Variants in WDR31 observed in about 807,000 individuals in gnomAD.
WDR31 encodes the protein WD repeat-containing protein 31.
Under a neutral mutation model 47.3 loss-of-function variants are expected in WDR31, and 30 were observed. The ratio of observed to expected loss-of-function variants is 0.63; its 90% CI spans 0.47 to 0.86. The LOEUF (loss-of-function observed/expected upper bound fraction) is 0.86. Among genes scored for constraint, WDR31 ranks in the 40% least tolerant of loss-of-function variants. The pLI, the probability that WDR31 is intolerant of heterozygous loss-of-function variation, is 0.00. For synonymous variants in WDR31, 137 were observed against 159.4 expected, an observed-to-expected ratio of 0.86 and a Z score of 1.06; for missense variants, 406 against 442.9, an observed-to-expected ratio of 0.92 and a Z score of 0.75.
intron 7 of WDR31, 135 bp downstream of exon 7, chr9:113,322,676 C>T: frequency 1.2e-5 from 9 of 740,076 alleles, no homozygotes; most frequent in Non-Finnish European, 1.8e-5. Context: ...CAGGGTCTCA[C>T]AGCAGGTTAG....
intron 10 of WDR31, 133 bp from the exon 11 acceptor site, chr9:113,317,042 T>G: frequency 9.1e-7 from 1 of 1,100,222 alleles, no homozygotes. Flanking sequence ...ACCCCACTTC[T>G]TCAGAGGAAA....
At chr9:113,318,299 A>G (rs1833251636) in intron 10 of WDR31, among the ~76,000 whole-genome samples, 176 bp downstream of exon 10, 1 of 152,252 alleles carries the variant, frequency 6.6e-6, no homozygotes, top group Non-Finnish European at 1.5e-5. Context: ...GAGTCTATAC[A>G]ACATGGTACC....
Position 113,331,973 on chromosome 9 carries a change from GA to G in WDR31, c.49del (p.Ser17ArgfsTer7). On this transcript the variant is annotated frameshift_variant, in exon 3 of 11. Coordinates refer to ENST00000374193, the MANE Select transcript of WDR31 (RefSeq NM_001012361.4). LOFTEE classifies it high-confidence loss of function. ...QLKQAPPQKVSFRFCVVMGKQ... is the reference protein window; with the variant it reads ...QLKQAPPQKVXFRFCVVMGKQ... ...CCCCATCACGACACAAAACCTAAAC[GA>G]AACCTTCTGTGGAGGAGCTTGTTTC... 1 of 1,614,014 alleles carries G rather than the reference GA, an allele frequency of 6.2e-7. No homozygotes were observed. The highest frequency in any genetic ancestry group is 1.6e-4 in the Middle Eastern group (1 of 6,062).
chr9:113,322,199 C>A (rs1377482219), intron 7 of WDR31, among the ~76,000 whole-genome samples: 4 of 151,628 alleles, frequency 2.6e-5, no homozygotes, highest in African/African-American at 7.3e-5. Flanking sequence ...CTCTGAAGAA[C>A]CTTAGCAGGT....
At position 113,316,680 on chromosome 9, in the gene WDR31, T is replaced by G; in HGVS notation, c.*69A>C. 1 of 1,541,624 alleles carries G rather than the reference T, an allele frequency of 6.5e-7. No homozygotes were observed. The highest frequency in any genetic ancestry group is 8.7e-7 in the Non-Finnish European group (1 of 1,143,016). ...TACATCCCACTCCCCTCAAGATAAC[T>G]GGGAAAGACACAAAGCCATGCTGAG... On this transcript the variant is annotated 3_prime_UTR_variant, in exon 11 of 11. Transcript: ENST00000374193.
intron 1 of WDR31, 131 bp from the exon 2 acceptor site, chr9:113,336,571 G>GGAA (rs1166931878): frequency 6.6e-6 from 1 of 152,058 alleles, no homozygotes; most frequent in Non-Finnish European, 1.5e-5. Flanking sequence ...CCACAATTCA[G>GGAA]GAAAGTATAC....
At chr9:113,317,453 G>A (rs753485250) in intron 10 of WDR31, among the ~76,000 whole-genome samples, 13 of 152,182 alleles carry the variant, frequency 8.5e-5, no homozygotes, top group Non-Finnish European at 1.3e-4. Context: ...TCCAGATCTC[G>A]TTCTCCCTGG....
intron 2 of WDR31, among the ~76,000 whole-genome samples, chr9:113,333,683 A>AT (rs554084096): frequency 0.02 from 2,967 of 145,410 alleles, 28 homozygotes; most frequent in Middle Eastern, 0.029. Flanking sequence ...GCCCGGCCGG[A>AT]TTTTTTTTTT....
chr9:113,331,744 G>C (rs547333191), intron 3 of WDR31, among the ~76,000 whole-genome samples, 163 bp downstream of exon 3: 1 of 152,194 alleles, frequency 6.6e-6, no homozygotes, highest in Non-Finnish European at 1.5e-5. Flanking sequence ...AGCACACCCA[G>C]CCCTGACTGT....
At chr9:113,338,256 GA>G (rs1833759099) in intron 1 of WDR31, among the ~76,000 whole-genome samples, 1 of 152,130 alleles carries the variant, frequency 6.6e-6, no homozygotes, top group African/African-American at 2.4e-5. Context: ...GAATCTAGAG[GA>G]TATTAAAGCT....
rs755370259 is a variant in WDR31 at position 113,320,540 on chromosome 9, G to T, written c.639-42C>A. On this transcript the variant is annotated intron_variant, in intron 8 of 10. Coordinates refer to ENST00000374193, the MANE Select transcript of WDR31 (RefSeq NM_001012361.4). ...CAGGAAATTAGCTTGTAGTAAATGT[G>T]GCTGAAATACACCCGTATTGTCCCA... The T allele has an allele frequency of 9.4e-6, 15 of 1,601,148 alleles. No homozygotes were observed. In the African/African-American group the frequency reaches 1.7e-4, roughly 19 times the overall value.
chr9:113,315,067 C>T lies in WDR31; in HGVS notation c.*1682G>A, dbSNP rs920716462. 1.3e-5 allele frequency: 2 copies of T among 152,018 alleles called. No homozygotes were observed. Among genetic ancestry groups the T allele is most frequent in the Non-Finnish European group, 2.9e-5 (2 of 68,024 alleles). The allele number at this position is 152,018 out of a possible 1,614,324, so 9.4% of individuals were successfully genotyped here. ...AAATGGAGAAGTGGAGATTCAAAGT[C>T]GGGTCTGACTCTTTGTACTAGCTTA... On this transcript the variant is annotated 3_prime_UTR_variant, in exon 11 of 11. Coordinates refer to ENST00000374193, the MANE Select transcript of WDR31 (RefSeq NM_001012361.4).
chr9:113,321,485 CT>C, intron 8 of WDR31, 25 bp downstream of exon 8: 3 of 1,612,650 alleles, frequency 1.9e-6, no homozygotes, highest in Non-Finnish European at 2.5e-6. Context: ...ACAAGAAACA[CT>C]TTCACAGCTG....
intron 2 of WDR31, 126 bp from the exon 3 acceptor site, chr9:113,332,176 C>G (rs1270118706): frequency 2.9e-5 from 18 of 612,462 alleles, no homozygotes; most frequent in Non-Finnish European, 4.7e-5. Flanking sequence ...CCCTGCTTCA[C>G]ACTTACAGCC....
At chr9:113,334,180 G>GT (rs1283633883) in intron 2 of WDR31, among the ~76,000 whole-genome samples, 2 of 151,784 alleles carry the variant, frequency 1.3e-5, no homozygotes, top group East Asian at 2.0e-4. Context: ...ATTTTTCTGT[G>GT]TTTTTTGTAG....
rs114177209 is a variant in WDR31 at position 113,335,338 on chromosome 9, A to C, written c.-29+950T>G. 6.0e-3 allele frequency among the ~76,000 whole-genome samples: 911 copies of C among 152,326 alleles called. 9 individuals carry two copies. Among genetic ancestry groups the C allele is most frequent in the African/African-American group, 0.021 (859 of 41,570 alleles). On this transcript the variant is annotated intron_variant, in intron 2 of 10. Transcript: ENST00000374193. ...GACCGAAGGAACCTAACGAAGGACC[A>C]GTCTCAACTACTCCATGTCATGTGT... is the stretch of plus-strand genomic sequence containing the variant.
intron 2 of WDR31, among the ~76,000 whole-genome samples, chr9:113,334,025 T>C (rs1047626387): frequency 2.6e-5 from 4 of 152,080 alleles, no homozygotes; most frequent in Admixed American, 6.6e-5. Flanking sequence ...TTCTTTTTTT[T>C]TGAGACAGGG....
chr9:113,316,389 G>A lies in WDR31; in HGVS notation c.*360C>T, dbSNP rs1833198617. 5.5e-6 allele frequency: 1 copy of A among 183,154 alleles called. No individual in the cohort carries two copies. The highest frequency in any genetic ancestry group is 1.1e-5 in the Non-Finnish European group (1 of 87,628). 11.3% of individuals were successfully genotyped at this position (183,154 alleles called of 1,614,324 possible). ...AGACTTGCAAAGGGTCAGTTCCAGA[G>A]GCTCGAGCCCTGTGTTCTGACTTTC... is the stretch of plus-strand genomic sequence containing the variant. On this transcript the variant is annotated 3_prime_UTR_variant, in exon 11 of 11. Coordinates refer to ENST00000374193, the MANE Select transcript of WDR31 (RefSeq NM_001012361.4).
chr9:113,324,824 A>ATG (rs1208174479), intron 5 of WDR31, among the ~76,000 whole-genome samples: 56 of 93,182 alleles, frequency 6.0e-4, no homozygotes, highest in African/African-American at 2.6e-3. Flanking sequence ...TGCTATATAT[A>ATG]TATATGTGTG....
Sources: gnomAD v4.1 joint callset for allele counts (sites outside exome capture counted in the v4.1 genomes callset) on GRCh38, gnomAD v4.1.1 for gene constraint, MANE v1.5 for transcripts, NCBI Gene and HGNC (gene_info 2026-07-23, HGNC 2026-07-21) for gene names.